Variants in CDIN1 observed in about 807,000 individuals in gnomAD.
CDIN1 encodes the protein CDAN1 interacting nuclease 1.
In CDIN1, 33 loss-of-function variants were observed where a neutral mutation model predicts 45.3. The ratio of observed to expected loss-of-function variants is 0.73; its 90% CI spans 0.55 to 0.97. The LOEUF (loss-of-function observed/expected upper bound fraction) is 0.97. Among genes scored for constraint, CDIN1 ranks in the 50% least tolerant of loss-of-function variants. The pLI is 0.00. For missense variants in CDIN1, 303 were observed against 339.4 expected (o/e 0.89, Z 0.84); for synonymous variants, 118 against 124.4 (o/e 0.95, Z 0.34).
chr15:36,726,861 G>C (rs950295970), intron 10 of CDIN1, among the ~76,000 whole-genome samples: 6 of 151,876 alleles, frequency 4.0e-5, no homozygotes, highest in Non-Finnish European at 8.8e-5. Flanking sequence ...CTTTTAACAG[G>C]GTTTATCAGC....
At chr15:36,596,643 G>A (rs1034887570) in intron 1 of CDIN1, among the ~76,000 whole-genome samples, 17 of 151,978 alleles carry the variant, frequency 1.1e-4, no homozygotes, top group African/African-American at 3.6e-4. Context: ...ATTTTTAAAT[G>A]TTCTATTTTC....
chr15:36,608,973 GTATA>G (rs931944251), intron 1 of CDIN1, among the ~76,000 whole-genome samples: 1 of 131,536 alleles, frequency 7.6e-6, no homozygotes, highest in Non-Finnish European at 1.6e-5. Context: ...ATGTATGTGT[GTATA>G]TAGATAGATA....
intron 10 of CDIN1, among the ~76,000 whole-genome samples, chr15:36,716,921 A>C (rs1032417558): frequency 6.6e-6 from 1 of 152,196 alleles, no homozygotes. Context: ...CTGCAGAGGC[A>C]GCACCTGAAC....
At chr15:36,710,877 T>C (rs914982939) in intron 10 of CDIN1, among the ~76,000 whole-genome samples, 1 of 152,144 alleles carries the variant, frequency 6.6e-6, no homozygotes, top group East Asian at 1.9e-4. Context: ...GTTACTCAGC[T>C]TTACAAAAGG....
At chr15:36,791,044 TTTG>T (rs2054633234) in intron 10 of CDIN1, among the ~76,000 whole-genome samples, 1 of 152,178 alleles carries the variant, frequency 6.6e-6, no homozygotes, top group Non-Finnish European at 1.5e-5. Flanking sequence ...TGTTCTCCTC[TTTG>T]TGTCCTTGAG....
At chr15:36,680,825 G>A (rs1439228230) in intron 5 of CDIN1, among the ~76,000 whole-genome samples, 1 of 152,206 alleles carries the variant, frequency 6.6e-6, no homozygotes, top group Non-Finnish European at 1.5e-5. Context: ...AGCACTATTT[G>A]TGGGGTTGGG....
intron 1 of CDIN1, among the ~76,000 whole-genome samples, chr15:36,585,480 T>C (rs2037252118): frequency 6.6e-6 from 1 of 152,206 alleles, no homozygotes; most frequent in Non-Finnish European, 1.5e-5. Flanking sequence ...TGTCCTTTCC[T>C]TTGTGTTTGA....
intron 10 of CDIN1, among the ~76,000 whole-genome samples, chr15:36,740,485 G>GT (rs1203583503): frequency 3.9e-5 from 6 of 152,168 alleles, no homozygotes; most frequent in African/African-American, 1.2e-4. Context: ...CCGAGAGATG[G>GT]TAGCACTTCT....
intron 1 of CDIN1, among the ~76,000 whole-genome samples, chr15:36,604,634 A>C (rs1340981079): frequency 6.6e-6 from 1 of 152,208 alleles, no homozygotes; most frequent in Non-Finnish European, 1.5e-5. Context: ...ACTCAGAAGA[A>C]AGTATACCTA....
intron 10 of CDIN1, among the ~76,000 whole-genome samples, chr15:36,766,418 AC>A (rs1247191631): frequency 1.3e-5 from 2 of 152,168 alleles, no homozygotes; most frequent in Non-Finnish European, 2.9e-5. Flanking sequence ...TTGGATAAAT[AC>A]CCAGAAGCAG....
chr15:36,622,166 T>C (rs2039226586), intron 1 of CDIN1, among the ~76,000 whole-genome samples: 1 of 152,240 alleles, frequency 6.6e-6, no homozygotes. Flanking sequence ...ATTGTGCTTA[T>C]GCTTAAAACT....
At chr15:36,584,255 G>A (rs1047068846) in intron 1 of CDIN1, among the ~76,000 whole-genome samples, 10 of 152,106 alleles carry the variant, frequency 6.6e-5, no homozygotes, top group African/African-American at 1.9e-4. Context: ...TCAACAGAGC[G>A]AGACCCTGTC....
chr15:36,776,407 C>T (rs1263111049), intron 10 of CDIN1, among the ~76,000 whole-genome samples: 1 of 152,194 alleles, frequency 6.6e-6, no homozygotes, highest in Non-Finnish European at 1.5e-5. Context: ...TGAGCACCTA[C>T]CGTGTTGATC....
chr15:36,703,956 A>G (rs1383341655), intron 8 of CDIN1, among the ~76,000 whole-genome samples: 1 of 152,162 alleles, frequency 6.6e-6, no homozygotes, highest in African/African-American at 2.4e-5. Context: ...TTGATTAAAT[A>G]AATTGTCCTT....
intron 1 of CDIN1, among the ~76,000 whole-genome samples, chr15:36,624,047 A>G (rs1224037369): frequency 6.6e-6 from 1 of 152,216 alleles, no homozygotes; most frequent in Non-Finnish European, 1.5e-5. Flanking sequence ...CATCTTCATT[A>G]TCATGATCAT....
intron 10 of CDIN1, chr15:36,756,239 T>C (rs2053606012): frequency 4.9e-6 from 2 of 407,068 alleles, no homozygotes; most frequent in Admixed American, 5.8e-5. Flanking sequence ...AATATATGGT[T>C]GCTGACTGGC....
At chr15:36,761,698 A>T (rs1230664978) in intron 10 of CDIN1, among the ~76,000 whole-genome samples, 1 of 152,196 alleles carries the variant, frequency 6.6e-6, no homozygotes, top group Non-Finnish European at 1.5e-5. Context: ...TCCTGCTTTC[A>T]TGCAGACAGC....
chr15:36,603,078 C>T (rs1445402599), intron 1 of CDIN1, among the ~76,000 whole-genome samples: 1 of 152,080 alleles, frequency 6.6e-6, no homozygotes, highest in Non-Finnish European at 1.5e-5. Context: ...TTACTTTGGC[C>T]AAAGATAATG....
intron 5 of CDIN1, among the ~76,000 whole-genome samples, chr15:36,673,293 C>T (rs2041519827): frequency 1.3e-5 from 2 of 152,012 alleles, no homozygotes; most frequent in Non-Finnish European, 2.9e-5. Context: ...CAGATATTAG[C>T]CAATTTATAT....
Sources: gnomAD v4.1 joint callset for allele counts (sites outside exome capture counted in the v4.1 genomes callset) on GRCh38, gnomAD v4.1.1 for gene constraint, MANE v1.5 for transcripts, NCBI Gene and HGNC (gene_info 2026-07-23, HGNC 2026-07-21) for gene names.